Variants in FRMD6 observed in about 807,000 individuals in gnomAD.
FRMD6 encodes FERM domain containing 6.
In FRMD6, 37 loss-of-function variants were observed where a neutral mutation model predicts 73.2. The observed-to-expected ratio is 0.51, with a 90% CI of 0.39 to 0.66. FRMD6 has a LOEUF of 0.66. FRMD6 is among the 30% of genes least tolerant of loss of function. The pLI is 0.00. For missense variants in FRMD6, 714 were observed against 780.5 expected, an observed-to-expected ratio of 0.91 and a Z score of 1.02; for synonymous variants, 273 against 282.2, an observed-to-expected ratio of 0.97 and a Z score of 0.33.
At chr14:51,527,894 G>A (rs901811333) in intron 1 of FRMD6, among the ~76,000 whole-genome samples, 3 of 152,112 alleles carry the variant, frequency 2.0e-5, no homozygotes, top group Admixed American at 2.0e-4. Context: ...GTGAGGCTCA[G>A]TGGGGCCAGG....
At chr14:51,727,073 C>G (rs541604223) in intron 13 of FRMD6, among the ~76,000 whole-genome samples, 3 of 152,020 alleles carry the variant, frequency 2.0e-5, no homozygotes, top group African/African-American at 7.2e-5. Flanking sequence ...GGCGGAACCC[C>G]CCCACCCCCG....
chr14:51,509,893 T>G (rs1401505040), intron 1 of FRMD6, among the ~76,000 whole-genome samples: 1 of 152,176 alleles, frequency 6.6e-6, no homozygotes, highest in Non-Finnish European at 1.5e-5. Context: ...CCCAAAGTGC[T>G]GGGATTTCAG....
chr14:51,562,800 A>G (rs1887552859), intron 1 of FRMD6, among the ~76,000 whole-genome samples: 1 of 152,206 alleles, frequency 6.6e-6, no homozygotes, highest in East Asian at 1.9e-4. Context: ...GGCTCCAGCT[A>G]CTATTGCTGC....
At chr14:51,434,679 T>C in the FRMD6 span, among the ~76,000 whole-genome samples, 1 of 152,170 alleles carries the variant, frequency 6.6e-6, no homozygotes, top group Non-Finnish European at 1.5e-5. Flanking sequence ...ATAAGAACCA[T>C]CATTGGGCAC....
intron 1 of FRMD6, among the ~76,000 whole-genome samples, chr14:51,675,269 C>T (rs1894307040): frequency 6.6e-6 from 1 of 152,020 alleles, no homozygotes; most frequent in Non-Finnish European, 1.5e-5. Flanking sequence ...CAGTTATGTT[C>T]CTGACAGCTA....
chr14:51,474,395 A>G, the FRMD6 span, among the ~76,000 whole-genome samples: 1 of 152,154 alleles, frequency 6.6e-6, no homozygotes, highest in South Asian at 2.1e-4. Context: ...GTCAACAGGA[A>G]TTTACAATGG....
chr14:51,432,678 C>G, the FRMD6 span, among the ~76,000 whole-genome samples: 5 of 152,104 alleles, frequency 3.3e-5, no homozygotes, highest in Non-Finnish European at 7.4e-5. Flanking sequence ...TAACCGTAAC[C>G]CTGAATACTC....
At position 51,691,588 on chromosome 14, in the gene FRMD6, A is replaced by ATTTTTTTTTTTTT. The variant is rs758677611; in HGVS notation, c.99+1665_99+1677dup. Among the ~76,000 whole-genome samples, 36 of 75,140 alleles carry ATTTTTTTTTTTTT rather than the reference A, an allele frequency of 4.8e-4. 1 individual carries two copies. The highest frequency in any genetic ancestry group is 7.3e-4 in the East Asian group (2 of 2,744). The allele number at this position is 75,140 out of a possible 152,430, so 49.3% of individuals were successfully genotyped here. On this transcript the variant is annotated intron_variant, in intron 2 of 13. Transcript: ENST00000344768. ...TTTTTATTTATTTATTTTGATTTTG[A>ATTTTTTTTTTTTT]TTTTTTTTTTTTTTTTTTTTTTTTG...
At chr14:51,618,325 T>C (rs1439603797) in intron 2 of FRMD6, among the ~76,000 whole-genome samples, 1 of 152,048 alleles carries the variant, frequency 6.6e-6, no homozygotes, top group Non-Finnish European at 1.5e-5. Flanking sequence ...CCAAGGCAAC[T>C]AGAGTGTAGA....
At chr14:51,606,518 G>A (rs547636521) in intron 2 of FRMD6, among the ~76,000 whole-genome samples, 1 of 152,096 alleles carries the variant, frequency 6.6e-6, no homozygotes, top group South Asian at 2.1e-4. Flanking sequence ...TCTGACCCTG[G>A]GATAATACTT....
chr14:51,689,317 C>T (rs973211284), intron 1 of FRMD6, among the ~76,000 whole-genome samples: 8 of 152,168 alleles, frequency 5.3e-5, no homozygotes, highest in African/African-American at 1.4e-4. Flanking sequence ...TGAAAAAGAA[C>T]GAGAATTTTC....
chr14:51,524,320 T>C (rs1885111277), intron 1 of FRMD6, among the ~76,000 whole-genome samples: 1 of 152,150 alleles, frequency 6.6e-6, no homozygotes, highest in Non-Finnish European at 1.5e-5. Flanking sequence ...GATCTTAGCA[T>C]AGTGCCAAAA....
At chr14:51,672,242 G>C (rs1229625745) in intron 1 of FRMD6, among the ~76,000 whole-genome samples, 1 of 152,196 alleles carries the variant, frequency 6.6e-6, no homozygotes, top group Non-Finnish European at 1.5e-5. Context: ...AAGAATTGTA[G>C]CATCTGCTTA....
chr14:51,513,191 G>C (rs561188410), intron 1 of FRMD6, among the ~76,000 whole-genome samples: 47 of 152,256 alleles, frequency 3.1e-4, no homozygotes, highest in Admixed American at 4.6e-4. Flanking sequence ...CATTCCACAA[G>C]CTCCCAGGTT....
intron 8 of FRMD6, 33 bp from the exon 9 acceptor site, chr14:51,712,450 C>T (rs2140530042): frequency 1.5e-6 from 2 of 1,298,920 alleles, no homozygotes; most frequent in Non-Finnish European, 2.2e-6. Flanking sequence ...TATCATTTTT[C>T]CCATTAACTC....
Position 51,728,304 on chromosome 14 carries a change from T to C in FRMD6, c.*275T>C, listed in dbSNP as rs1452210198. On this transcript the variant is annotated 3_prime_UTR_variant, in exon 14 of 14. Coordinates refer to ENST00000344768, the MANE Select transcript of FRMD6 (RefSeq NM_001267046.2). ...ATGCGCTTTACTGATTGCAAAGCCT[T>C]CAGAATATTGGAGTGTGGTGTGTTT... 5.3e-6 allele frequency: 2 copies of C among 375,734 alleles called. No individual in the cohort carries two copies. The highest frequency in any genetic ancestry group is 9.7e-6 in the Non-Finnish European group (2 of 206,766). 23.3% of individuals were successfully genotyped at this position (375,734 alleles called of 1,614,324 possible).
intron 2 of FRMD6, among the ~76,000 whole-genome samples, chr14:51,639,360 G>C (rs1474560605): frequency 6.6e-6 from 1 of 151,898 alleles, no homozygotes; most frequent in Non-Finnish European, 1.5e-5. Context: ...GCGTGAACCC[G>C]GTAGGCGGAG....
At chr14:51,567,863 C>CT (rs1276631523) in intron 1 of FRMD6, among the ~76,000 whole-genome samples, 1 of 152,194 alleles carries the variant, frequency 6.6e-6, no homozygotes, top group Non-Finnish European at 1.5e-5. Flanking sequence ...TCTAATACTT[C>CT]TTTTATAGCT....
the FRMD6 span, among the ~76,000 whole-genome samples, chr14:51,477,523 T>A: frequency 6.6e-6 from 1 of 152,130 alleles, no homozygotes; most frequent in South Asian, 2.1e-4. Flanking sequence ...TGTTGGAGAC[T>A]ATTCAAAATA....
Sources: gnomAD v4.1 joint callset for allele counts (sites outside exome capture counted in the v4.1 genomes callset) on GRCh38, gnomAD v4.1.1 for gene constraint, MANE v1.5 for transcripts, NCBI Gene and HGNC (gene_info 2026-07-23, HGNC 2026-07-21) for gene names.